Variants in STRBP observed in about 807,000 individuals in gnomAD.
STRBP encodes the protein spermatid perinuclear RNA-binding protein.
Under a neutral mutation model 80.1 loss-of-function variants are expected in STRBP, and 13 were observed. The ratio of observed to expected loss-of-function variants is 0.16; its 90% CI spans 0.11 to 0.26. The LOEUF is 0.26. Among genes scored for constraint, STRBP ranks in the 10% least tolerant of loss-of-function variants. STRBP has a pLI of 1.00. For missense variants in STRBP, 485 were observed against 815.2 expected, an observed-to-expected ratio of 0.59 and a Z score of 4.93; for synonymous variants, 284 against 291.2, an observed-to-expected ratio of 0.98 and a Z score of 0.25.
At chr9:123,218,622 G>C (rs904856987) in intron 2 of STRBP, among the ~76,000 whole-genome samples, 9 of 151,852 alleles carry the variant, frequency 5.9e-5, no homozygotes, top group Non-Finnish European at 1.3e-4. Flanking sequence ...ACCCGCCTCG[G>C]CCTCCCAAAG....
rs896349287 is a variant in STRBP at position 123,255,197 on chromosome 9, T to C, written c.-302+13239A>G. 2.6e-5 allele frequency among the ~76,000 whole-genome samples: 4 copies of C among 152,350 alleles called. No homozygotes were observed. In the East Asian group the frequency reaches 7.7e-4, roughly 29 times the overall value. On this transcript the variant is annotated intron_variant, in intron 1 of 18. Transcript: ENST00000348403. ...TGGCATAGAAAGCTACATCCTCTGA[T>C]ATCTTCTGGTATTTTGTTAAATGTA...
intron 2 of STRBP, among the ~76,000 whole-genome samples, chr9:123,234,672 T>C (rs1319030047): frequency 6.6e-6 from 1 of 152,136 alleles, no homozygotes; most frequent in East Asian, 1.9e-4. Context: ...ATTTTGTATT[T>C]GTTCAGGCCG....
At position 123,158,397 on chromosome 9, in the gene STRBP, C is replaced by T; in HGVS notation, c.868G>A (p.Asp290Asn). Residue 290 changes from aspartate (D) to asparagine (N), a missense_variant, in exon 10 of 19, where the codon GAC (aspartate) becomes AAC (asparagine). Coordinates refer to ENST00000348403, the MANE Select transcript of STRBP (RefSeq NM_018387.5). The stretch of plus-strand genomic sequence containing the variant: ...ATATAGCTCAGAGCATCTGTTGGGT[C>T]TCGCTCACAAGGATCATGAAGACCA... The part of the protein sequence containing the change: ...GPGLHDPCER[D>N]PTDALSYMTI... 6.2e-7 allele frequency: 1 copy of T among 1,613,488 alleles called. No homozygotes were observed. Among genetic ancestry groups the T allele is most frequent in the Non-Finnish European group, 8.5e-7 (1 of 1,179,622 alleles).
chr9:123,193,358 C>T (rs1278085074), intron 2 of STRBP, among the ~76,000 whole-genome samples: 1 of 152,138 alleles, frequency 6.6e-6, no homozygotes, highest in East Asian at 1.9e-4. Context: ...CCATCTCTTC[C>T]CATTATTTCC....
intron 1 of STRBP, among the ~76,000 whole-genome samples, chr9:123,237,370 G>A (rs1039455941): frequency 6.6e-6 from 1 of 152,010 alleles, no homozygotes; most frequent in Admixed American, 6.6e-5. Flanking sequence ...TTTCAACACT[G>A]ATGAAATACT....
rs929076857 is a variant in STRBP, at chr9:123,126,972, T to C, written c.1942+1242A>G. Among the ~76,000 whole-genome samples the C allele has an allele frequency of 6.6e-6, 1 of 152,162 alleles. No individual in the cohort carries two copies. The highest frequency in any genetic ancestry group is 2.4e-5 in the African/African-American group (1 of 41,424). On this transcript the variant is annotated intron_variant, in intron 18 of 18. Coordinates refer to ENST00000348403, the MANE Select transcript of STRBP (RefSeq NM_018387.5). The surrounding 1 kb of genome is among the most constrained non-coding windows in gnomAD (Gnocchi z 4.4). Reference sequence around the variant, plus strand: ...GCTTATTATTGCATTAGTCTCCAATTCCTAGTTACCCATACGGCTCAGTTC... The same window carrying C: ...GCTTATTATTGCATTAGTCTCCAATCCCTAGTTACCCATACGGCTCAGTTC...
chr9:123,139,392 T>C (rs1031032110), intron 14 of STRBP, 137 bp downstream of exon 14: 2 of 734,588 alleles, frequency 2.7e-6, no homozygotes, highest in Non-Finnish European at 4.0e-6. Flanking sequence ...TAAACCAAAA[T>C]AATAATTATG....
rs112801863 is a variant in STRBP at position 123,154,988 on chromosome 9, C to A, written c.1045+3024G>T. Reference sequence around the variant, plus strand: ...GAAGCATTCAGTAGACAGGGAGGAACTGACGCTGGTGAGAGAACAGATAAT... The same window carrying A: ...GAAGCATTCAGTAGACAGGGAGGAAATGACGCTGGTGAGAGAACAGATAAT... On this transcript the variant is annotated intron_variant, in intron 11 of 18. Transcript: ENST00000348403. Among the ~76,000 whole-genome samples the A allele has an allele frequency of 5.2e-3, 789 of 152,284 alleles. 8 individuals are homozygous for A. The highest frequency in any genetic ancestry group is 8.0e-3 in the Non-Finnish European group (545 of 68,024).
chr9:123,251,017 C>T (rs547036686), intron 1 of STRBP, among the ~76,000 whole-genome samples: 3 of 152,130 alleles, frequency 2.0e-5, no homozygotes, highest in African/African-American at 7.2e-5. Context: ...ATCCTAACTA[C>T]TTGTGAGGCT....
At chr9:123,118,152 G>C (rs867240182), downstream of STRBP, among the ~76,000 whole-genome samples, 4 of 152,184 alleles carry the variant, frequency 2.6e-5, no homozygotes, top group Non-Finnish European at 5.9e-5. Flanking sequence ...TTAACCTGGA[G>C]CATCAGTTTC....
intron 1 of STRBP, among the ~76,000 whole-genome samples, chr9:123,266,438 C>G (rs1247491142): frequency 3.3e-5 from 5 of 151,954 alleles, no homozygotes; most frequent in Non-Finnish European, 7.4e-5. Context: ...CCAGGTCCCC[C>G]CACCCCTCAA....
At chr9:123,165,679 ACT>A (rs2037725508) in intron 6 of STRBP, among the ~76,000 whole-genome samples, 1 of 152,118 alleles carries the variant, frequency 6.6e-6, no homozygotes, top group Non-Finnish European at 1.5e-5. Context: ...AGAAATTGAG[ACT>A]CTGTGTGAAG....
At chr9:123,223,964 G>A (rs536330202) in intron 2 of STRBP, among the ~76,000 whole-genome samples, 1 of 152,252 alleles carries the variant, frequency 6.6e-6, no homozygotes, top group South Asian at 2.1e-4. Flanking sequence ...GCAAAGAAGA[G>A]TACGCAAGGT....
chr9:123,138,534 C>G (rs953298451), intron 14 of STRBP, among the ~76,000 whole-genome samples: 2 of 152,232 alleles, frequency 1.3e-5, no homozygotes, highest in Non-Finnish European at 2.9e-5. Context: ...CTTCCCCACA[C>G]GGCAAAGCTC....
At chr9:123,197,244 G>C (rs1302470771) in intron 2 of STRBP, among the ~76,000 whole-genome samples, 8 of 152,144 alleles carry the variant, frequency 5.3e-5, no homozygotes, top group Non-Finnish European at 8.8e-5. Context: ...GAGGCCGAGA[G>C]GGTGGGGAAG....
intron 3 of STRBP, chr9:123,114,292 C>T (rs1158381820): frequency 6.0e-6 from 1 of 167,168 alleles, no homozygotes; most frequent in Non-Finnish European, 1.5e-5. Flanking sequence ...CAAAACCAAT[C>T]CTCCGGTCAC....
intron 6 of STRBP, among the ~76,000 whole-genome samples, chr9:123,166,724 A>C (rs557563660): frequency 6.6e-6 from 1 of 151,722 alleles, no homozygotes; most frequent in Non-Finnish European, 1.5e-5. Context: ...ACTGCACTCC[A>C]GCCTGGGCAA....
chr9:123,248,329 A>G (rs2040842919), intron 1 of STRBP, among the ~76,000 whole-genome samples: 1 of 132,006 alleles, frequency 7.6e-6, no homozygotes, highest in African/African-American at 2.9e-5. Context: ...GCGCAATGGC[A>G]CGATCTCGGC....
At chr9:123,211,792 A>C (rs753121459) in intron 2 of STRBP, among the ~76,000 whole-genome samples, 50 of 152,186 alleles carry the variant, frequency 3.3e-4, no homozygotes, top group Non-Finnish European at 5.7e-4. Context: ...CTTATCACAT[A>C]TGAGTATAAT....
Sources: allele counts gnomAD v4.1 joint callset (sites outside exome capture counted in the v4.1 genomes callset), GRCh38; gene constraint gnomAD v4.1.1; non-coding constraint Gnocchi (gnomAD v3.1); transcripts MANE v1.5; gene names NCBI Gene and HGNC (gene_info 2026-07-23, HGNC 2026-07-21).